Variants in KLF12 observed in about 807,000 individuals in gnomAD.
The protein encoded by KLF12 is KLF transcription factor 12.
In KLF12, 9 loss-of-function variants were observed where a neutral mutation model predicts 37.8. The observed-to-expected ratio is 0.24, with a 90% CI of 0.14 to 0.42. The LOEUF (loss-of-function observed/expected upper bound fraction) is 0.42, where lower values mean the gene tolerates loss of function less well. KLF12 is among the 10% of genes least tolerant of loss of function. The pLI is 1.00. For synonymous variants in KLF12, 208 were observed against 202.1 expected (o/e 1.03, Z -0.25); for missense variants, 411 against 516.0 (o/e 0.80, Z 1.97).
chr13:74,267,267 A>G, the KLF12 span, among the ~76,000 whole-genome samples: 3 of 152,212 alleles, frequency 2.0e-5, no homozygotes, highest in Admixed American at 6.5e-5. Flanking sequence ...GATCACCTGG[A>G]TTTCCTGAGT....
intron 4 of KLF12, among the ~76,000 whole-genome samples, chr13:73,821,699 T>C (rs1406062848): frequency 2.6e-5 from 4 of 152,170 alleles, no homozygotes; most frequent in African/African-American, 4.8e-5. Flanking sequence ...CTACCGAATA[T>C]GGTTCAGCAG....
At chr13:73,928,954 A>G (rs1231373297) in intron 3 of KLF12, among the ~76,000 whole-genome samples, 4 of 152,196 alleles carry the variant, frequency 2.6e-5, no homozygotes, top group South Asian at 2.1e-4. Flanking sequence ...TGAAAATTCA[A>G]TATTAGGATC....
the KLF12 span, among the ~76,000 whole-genome samples, chr13:74,164,148 T>C: frequency 6.6e-6 from 1 of 152,130 alleles, no homozygotes; most frequent in Non-Finnish European, 1.5e-5. Flanking sequence ...AACTGTATTC[T>C]AGTCATGTTT....
intron 1 of KLF12, among the ~76,000 whole-genome samples, chr13:74,003,985 G>T (rs1892348730): frequency 6.6e-6 from 1 of 152,154 alleles, no homozygotes; most frequent in African/African-American, 2.4e-5. Context: ...CAAGTGAAAT[G>T]ACATGATCAA....
intron 1 of KLF12, among the ~76,000 whole-genome samples, chr13:74,029,171 C>T (rs1893053769): frequency 6.6e-6 from 1 of 152,056 alleles, no homozygotes; most frequent in African/African-American, 2.4e-5. Flanking sequence ...AACCAAGTAC[C>T]GATCCTCTAT....
chr13:74,185,572 G>A, the KLF12 span, among the ~76,000 whole-genome samples: 1 of 152,180 alleles, frequency 6.6e-6, no homozygotes, highest in South Asian at 2.1e-4. Flanking sequence ...ACTTGACCAG[G>A]GTCAAGTAAC....
chr13:74,226,745 AT>A, the KLF12 span, among the ~76,000 whole-genome samples: 1 of 152,166 alleles, frequency 6.6e-6, no homozygotes, highest in African/African-American at 2.4e-5. Flanking sequence ...AGATTGCTCT[AT>A]GATAATTATT....
At chr13:73,944,131 G>T in intron 2 of KLF12, 61 bp from the exon 3 acceptor site, 1 of 989,660 alleles carries the variant, frequency 1.0e-6, no homozygotes, top group Non-Finnish European at 1.6e-6. Flanking sequence ...GGACCTCTGG[G>T]AGAGTCTTCC....
At chr13:73,867,650 G>A (rs1411906459) in intron 3 of KLF12, among the ~76,000 whole-genome samples, 6 of 151,866 alleles carry the variant, frequency 4.0e-5, no homozygotes, top group South Asian at 2.1e-4. Context: ...TTAGAACAAC[G>A]TACCTGATAT....
At chr13:73,868,793 C>T (rs1288650302) in intron 3 of KLF12, among the ~76,000 whole-genome samples, 1 of 152,146 alleles carries the variant, frequency 6.6e-6, no homozygotes, top group African/African-American at 2.4e-5. Context: ...GTTTCAAACA[C>T]TTATCAAATA....
At chr13:74,086,111 A>G (rs536029894) in intron 1 of KLF12, among the ~76,000 whole-genome samples, 17 of 151,788 alleles carry the variant, frequency 1.1e-4, no homozygotes, top group Non-Finnish European at 2.4e-4. Context: ...GGAATCACTA[A>G]TTTTTATTAT....
At chr13:74,057,856 G>A (rs1483618609) in intron 1 of KLF12, among the ~76,000 whole-genome samples, 2 of 151,988 alleles carry the variant, frequency 1.3e-5, no homozygotes, top group Admixed American at 6.6e-5. Context: ...AAGGAAGGAG[G>A]TCAAAGCATG....
intron 7 of KLF12, among the ~76,000 whole-genome samples, chr13:73,703,581 T>C (rs1383035210): frequency 6.6e-6 from 1 of 152,202 alleles, no homozygotes; most frequent in African/African-American, 2.4e-5. Flanking sequence ...CTCTAAATAA[T>C]ACTGCATATT....
intron 3 of KLF12, among the ~76,000 whole-genome samples, chr13:73,940,609 G>T (rs563945215): frequency 3.7e-4 from 57 of 152,200 alleles, no homozygotes; most frequent in African/African-American, 1.3e-3. Context: ...TCTATTGACT[G>T]GTTTTATATT....
the KLF12 span, among the ~76,000 whole-genome samples, chr13:74,174,889 T>C: frequency 6.6e-6 from 1 of 152,212 alleles, no homozygotes; most frequent in African/African-American, 2.4e-5. Context: ...ACTAAAAGGA[T>C]ATTGGATATA....
rs145231828 is a variant in KLF12, at chr13:74,025,507, G to A, written c.-31-30454C>T. On this transcript the variant is annotated intron_variant, in intron 1 of 7. Transcript: ENST00000377669. ...TTTAAGGTTCTTAGTTTCGCTACAA[G>A]TGGGTTGTGAACATTAGTGAGTTAC... is the stretch of plus-strand genomic sequence containing the variant. Among the ~76,000 whole-genome samples, 223 of 151,880 alleles carry A rather than the reference G, an allele frequency of 1.5e-3. 1 individual carries two copies. The highest frequency in any genetic ancestry group is 4.7e-3 in the African/African-American group (194 of 41,410).
At chr13:74,005,897 C>T (rs1892398478) in intron 1 of KLF12, among the ~76,000 whole-genome samples, 1 of 152,160 alleles carries the variant, frequency 6.6e-6, no homozygotes, top group Non-Finnish European at 1.5e-5. Flanking sequence ...TCATAAGATG[C>T]TTTATACTAC....
chr13:73,884,489 A>G (rs1887125211), intron 3 of KLF12, among the ~76,000 whole-genome samples: 1 of 152,230 alleles, frequency 6.6e-6, no homozygotes, highest in African/African-American at 2.4e-5. Flanking sequence ...ACCCAATGCC[A>G]TCGAGGGCCC....
At chr13:74,286,403 CA>C in the KLF12 span, among the ~76,000 whole-genome samples, 1 of 152,034 alleles carries the variant, frequency 6.6e-6, no homozygotes, top group East Asian at 1.9e-4. Context: ...CATGACATTT[CA>C]AAATATTGAG....
Sources: gnomAD v4.1 joint callset for allele counts (sites outside exome capture counted in the v4.1 genomes callset) on GRCh38, gnomAD v4.1.1 for gene constraint, MANE v1.5 for transcripts, NCBI Gene and HGNC (gene_info 2026-07-23, HGNC 2026-07-21) for gene names.